The following INTS8 variants were observed in gnomAD, a reference collection of about 807,000 sequenced individuals.
The protein encoded by INTS8 is integrator complex subunit 8.
INTS8 carries 47 observed loss-of-function variants against 138.9 expected under a neutral mutation model. That is an observed-to-expected ratio of 0.34 (90% CI 0.27 to 0.43). The LOEUF is 0.43. Ranked by LOEUF, INTS8 falls within the 20% of genes least tolerant of loss-of-function variation. The pLI, the probability that INTS8 is intolerant of heterozygous loss-of-function variation, is 1.00. For missense variants in INTS8, 996 were observed against 1,173.0 expected, an observed-to-expected ratio of 0.85 and a Z score of 2.20; for synonymous variants, 392 against 400.9, an observed-to-expected ratio of 0.98 and a Z score of 0.27.
At chr8:94,868,934 A>T (rs759699916) in intron 20 of INTS8, 4 of 147,814 alleles carry the variant, frequency 2.7e-5, no homozygotes, top group Non-Finnish European at 5.9e-5. Flanking sequence ...GGCCTCCTAG[A>T]GCTCTGGAAT....
chr8:94,872,495 A>C (rs1165384344), intron 21 of INTS8, among the ~76,000 whole-genome samples: 4 of 152,258 alleles, frequency 2.6e-5, no homozygotes, highest in African/African-American at 9.6e-5. Context: ...CGGCCTCCCA[A>C]ATTGTTAGGA....
At chr8:94,874,853 A>T (rs1816518471) in intron 23 of INTS8, among the ~76,000 whole-genome samples, 1 of 152,202 alleles carries the variant, frequency 6.6e-6, no homozygotes, top group Non-Finnish European at 1.5e-5. Flanking sequence ...GTTTTTAAAG[A>T]TACTTTAGAA....
chr8:94,853,456 A>C (rs1001794074), intron 13 of INTS8, among the ~76,000 whole-genome samples: 1 of 152,186 alleles, frequency 6.6e-6, no homozygotes, highest in Non-Finnish European at 1.5e-5. Context: ...CAAGTTATTT[A>C]ACTTCTTTGT....
At chr8:94,852,432 T>C (rs1364922416) in intron 13 of INTS8, among the ~76,000 whole-genome samples, 1 of 152,162 alleles carries the variant, frequency 6.6e-6, no homozygotes, top group African/African-American at 2.4e-5. Flanking sequence ...AAAAATAGCT[T>C]TTAAAACACC....
chr8:94,865,014 AT>A (rs765785953), intron 16 of INTS8, among the ~76,000 whole-genome samples: 64 of 147,904 alleles, frequency 4.3e-4, no homozygotes, highest in African/African-American at 2.7e-4. Flanking sequence ...CGTTGAAACA[AT>A]TTTTTTTTTT....
intron 2 of INTS8, 135 bp from the exon 3 acceptor site, chr8:94,827,128 T>C: frequency 3.8e-6 from 3 of 780,056 alleles, no homozygotes; most frequent in Non-Finnish European, 6.2e-6. Context: ...AAAAACTTTT[T>C]CACATTTGAT....
chr8:94,848,817 T>A (rs1815426064), intron 10 of INTS8, among the ~76,000 whole-genome samples: 1 of 152,186 alleles, frequency 6.6e-6, no homozygotes, highest in Admixed American at 6.5e-5. Flanking sequence ...TAGCAATTTC[T>A]TGAGATTATG....
rs1814563101 is a variant in INTS8 at position 94,827,762 on chromosome 8, C to G, written c.487C>G (p.Gln163Glu). The stretch of plus-strand genomic sequence containing the variant: ...TGTTCAAAGTAGTTTTCCAGTCAAA[C>G]AGGCAAAACCCGGACCCCCTCAGTT... Reference protein sequence around the residue: ...TIVQSSFPVKQAKPGPPQLSV... With the variant: ...TIVQSSFPVKEAKPGPPQLSV... Residue 163 changes from glutamine (Q) to glutamate (E), a missense_variant, in exon 4 of 27, where the codon CAG (glutamine) becomes GAG (glutamate). Coordinates refer to ENST00000523731, the MANE Select transcript of INTS8 (RefSeq NM_017864.4). 6.2e-7 allele frequency: 1 copy of G among 1,614,166 alleles called. No individual in the cohort carries two copies. Among genetic ancestry groups the G allele is most frequent in the Admixed American group, 1.7e-5 (1 of 60,022 alleles).
rs779872707 is a variant in INTS8, at chr8:94,851,655, C to G, written c.1610C>G (p.Ser537Ter). 1 of 1,602,918 alleles carries G rather than the reference C, an allele frequency of 6.2e-7. No homozygotes were observed. The highest frequency in any genetic ancestry group is 8.5e-7 in the Non-Finnish European group (1 of 1,176,220). ...QILIELHGMT[S>*]ERQFWTVSNK... ...TTAATTGAATTACATGGTATGACTT[C>G]AGAGCGCCAGTTCTGGACAGTGTCT... is the stretch of plus-strand genomic sequence containing the variant. Residue 537 changes from serine to a stop codon, truncating the protein, a stop_gained, in exon 13 of 27, where the codon TCA (serine) becomes TGA (stop). Coordinates refer to ENST00000523731, the MANE Select transcript of INTS8 (RefSeq NM_017864.4). LOFTEE classifies it high-confidence loss of function.
At position 94,869,783 on chromosome 8, in the gene INTS8, G is replaced by A. The variant is rs142032227; in HGVS notation, c.2415-2101G>A. Among the ~76,000 whole-genome samples, 210 of 151,724 alleles carry A rather than the reference G, an allele frequency of 1.4e-3. 1 individual carries two copies. The highest frequency in any genetic ancestry group is 1.8e-3 in the East Asian group (9 of 5,096). On this transcript the variant is annotated intron_variant, in intron 20 of 26. Coordinates refer to ENST00000523731, the MANE Select transcript of INTS8 (RefSeq NM_017864.4). ...TGGGATTACAGGCATGAGCCACTGC[G>A]CCCCACCTAATGGTTGTGTTTTTTA...
chr8:94,856,671 T>G lies in INTS8; in HGVS notation c.1753-106T>G, dbSNP rs113180460. On this transcript the variant is annotated intron_variant, in intron 14 of 26. Coordinates refer to ENST00000523731, the MANE Select transcript of INTS8 (RefSeq NM_017864.4). ...CCTTACTGCCTGAGAAAAGCAACGT[T>G]AACCATTTGAAATAATCCTTCTCCT... The G allele has an allele frequency of 2.2e-4, 194 of 895,336 alleles. 2 individuals are homozygous for G. In the African/African-American group the frequency reaches 2.8e-3, roughly 13 times the overall value. 55.5% of individuals were successfully genotyped at this position (895,336 alleles called of 1,614,324 possible).
At chr8:94,866,284 A>G in intron 18 of INTS8, 93 bp downstream of exon 18, 1 of 743,480 alleles carries the variant, frequency 1.3e-6, no homozygotes, top group Non-Finnish European at 2.4e-6. Context: ...TGACTAAATT[A>G]TTATTTGTTT....
intron 15 of INTS8, among the ~76,000 whole-genome samples, chr8:94,857,225 A>G (rs562065701): frequency 6.6e-6 from 1 of 152,018 alleles, no homozygotes; most frequent in African/African-American, 2.4e-5. Context: ...GGAACCCACC[A>G]TCATGCCTGG....
At chr8:94,841,638 A>G in intron 9 of INTS8, 47 bp downstream of exon 9, 2 of 954,506 alleles carry the variant, frequency 2.1e-6, no homozygotes, top group Non-Finnish European at 3.3e-6. Flanking sequence ...TAAAACAGCA[A>G]GTGCATTCTG....
chr8:94,828,801 C>T (rs1268823718), intron 4 of INTS8, among the ~76,000 whole-genome samples, 174 bp from the exon 5 acceptor site: 1 of 152,004 alleles, frequency 6.6e-6, no homozygotes, highest in Non-Finnish European at 1.5e-5. Flanking sequence ...AATACTGGTA[C>T]GTTAATAAGC....
intron 11 of INTS8, among the ~76,000 whole-genome samples, 169 bp from the exon 12 acceptor site, chr8:94,849,747 A>T (rs1029451688): frequency 1.3e-5 from 2 of 152,164 alleles, no homozygotes; most frequent in African/African-American, 4.8e-5. Flanking sequence ...TTGACATCAC[A>T]ATTTTAAATA....
chr8:94,853,630 A>G (rs1191437108), intron 13 of INTS8, among the ~76,000 whole-genome samples, 175 bp from the exon 14 acceptor site: 1 of 152,114 alleles, frequency 6.6e-6, no homozygotes, highest in African/African-American at 2.4e-5. Context: ...TGTTGATTGT[A>G]GCGAATGTGT....
At chr8:94,851,998 A>T (rs1486732843) in intron 13 of INTS8, among the ~76,000 whole-genome samples, 1 of 152,176 alleles carries the variant, frequency 6.6e-6, no homozygotes, top group African/African-American at 2.4e-5. Context: ...GCTGGAGTGC[A>T]GTGGTGCAAT....
intron 10 of INTS8, among the ~76,000 whole-genome samples, chr8:94,842,757 A>C: frequency 6.6e-6 from 1 of 152,230 alleles, no homozygotes; most frequent in East Asian, 1.9e-4. Context: ...ATTTCTGTTC[A>C]TAGAACTTTT....
Sources: gnomAD v4.1 joint callset for allele counts (sites outside exome capture counted in the v4.1 genomes callset) on GRCh38, gnomAD v4.1.1 for gene constraint, MANE v1.5 for transcripts, NCBI Gene and HGNC (gene_info 2026-07-23, HGNC 2026-07-21) for gene names.